The following DOCK8 variants were observed in gnomAD, a reference collection of about 807,000 sequenced individuals.
The protein encoded by DOCK8 is dedicator of cytokinesis protein 8.
Under a neutral mutation model 245.6 loss-of-function variants are expected in DOCK8, and 141 were observed. That is an observed-to-expected ratio of 0.57 (90% CI 0.50 to 0.66). DOCK8 has a LOEUF of 0.66. Among genes scored for constraint, DOCK8 ranks in the 30% least tolerant of loss-of-function variants. DOCK8 has a pLI of 0.00. For missense variants in DOCK8, 2,965 were observed against 2,603.4 expected (o/e 1.14, Z -3.02); for synonymous variants, 1,168 against 970.2 (o/e 1.20, Z -3.79).
At chr9:376,612 C>A (rs146203421) in intron 19 of DOCK8, among the ~76,000 whole-genome samples, 1 of 152,186 alleles carries the variant, frequency 6.6e-6, no homozygotes, top group Non-Finnish European at 1.5e-5. Context: ...AACTCTGCCA[C>A]TTTGCCAGCT....
At chr9:288,045 G>C (rs2048894132) in intron 3 of DOCK8, among the ~76,000 whole-genome samples, 1 of 150,298 alleles carries the variant, frequency 6.7e-6, no homozygotes, top group African/African-American at 2.5e-5. Context: ...AATGAATTTA[G>C]AGGAAGGAGG....
At chr9:317,261 G>A in intron 7 of DOCK8, 133 bp downstream of exon 7, 1 of 758,932 alleles carries the variant, frequency 1.3e-6, no homozygotes, top group Non-Finnish European at 2.3e-6. Flanking sequence ...CAGCTGTGGA[G>A]TAGTAGAAAG....
At chr9:287,790 T>C (rs1426249671) in intron 3 of DOCK8, among the ~76,000 whole-genome samples, 2 of 152,218 alleles carry the variant, frequency 1.3e-5, no homozygotes, top group African/African-American at 4.8e-5. Context: ...TACTATTTCA[T>C]CTTTAGTGAA....
chr9:214,388 G>C (rs2046682167), upstream of DOCK8: 5 of 832,996 alleles, frequency 6.0e-6, no homozygotes, highest in African/African-American at 1.8e-5. Flanking sequence ...GTCTCAGGAA[G>C]GATGATGGGC....
chr9:461,673 C>G (rs1206285494), intron 46 of DOCK8, among the ~76,000 whole-genome samples: 1 of 151,324 alleles, frequency 6.6e-6, no homozygotes, highest in African/African-American at 2.4e-5. Context: ...TCCCAAATAG[C>G]TGGGACTGCA....
intron 23 of DOCK8, among the ~76,000 whole-genome samples, chr9:390,120 G>GAA (rs1477535320): frequency 6.6e-6 from 1 of 152,170 alleles, no homozygotes. Context: ...TGGTCACACA[G>GAA]AGAGTTTTCA....
At chr9:363,239 C>G (rs1322087580) in intron 14 of DOCK8, among the ~76,000 whole-genome samples, 1 of 152,188 alleles carries the variant, frequency 6.6e-6, no homozygotes, top group Non-Finnish European at 1.5e-5. Context: ...TACTAAATGC[C>G]TGGCACATAC....
intron 22 of DOCK8, 74 bp from the exon 23 acceptor site, chr9:386,257 G>A: frequency 7.9e-7 from 1 of 1,260,782 alleles, no homozygotes; most frequent in South Asian, 1.2e-5. Flanking sequence ...TGAATTCTGA[G>A]GTTGTGATTT....
At chr9:396,708 A>G in intron 24 of DOCK8, 77 bp from the exon 25 acceptor site, 1 of 1,579,784 alleles carries the variant, frequency 6.3e-7, no homozygotes, top group Admixed American at 1.7e-5. Context: ...CATTTCTGTG[A>G]GTCTTTCCCC....
chr9:423,287 A>G (rs191030187), intron 33 of DOCK8, among the ~76,000 whole-genome samples: 2 of 152,352 alleles, frequency 1.3e-5, no homozygotes, highest in Admixed American at 6.5e-5. Context: ...ATATGCAACA[A>G]TTTAGACATA....
chr9:314,862 AC>A (rs1212700961), intron 6 of DOCK8, among the ~76,000 whole-genome samples: 19 of 152,216 alleles, frequency 1.2e-4, no homozygotes, highest in Non-Finnish European at 2.4e-4. Context: ...AGAGAGGTAA[AC>A]TAGTATATCC....
chr9:386,067 T>TCAG (rs2131322595), intron 22 of DOCK8, among the ~76,000 whole-genome samples: 1 of 152,306 alleles, frequency 6.6e-6, no homozygotes, highest in African/African-American at 2.4e-5. Flanking sequence ...AAGGGACTAC[T>TCAG]CAGCAGCCCA....
At chr9:374,458 T>G (rs2053434510) in intron 18 of DOCK8, among the ~76,000 whole-genome samples, 1 of 139,932 alleles carries the variant, frequency 7.1e-6, no homozygotes, top group Admixed American at 7.1e-5. Flanking sequence ...TTTGTGTTTT[T>G]TTTTTTTTTT....
At chr9:258,988 C>T (rs971609336) in intron 1 of DOCK8, among the ~76,000 whole-genome samples, 1 of 133,464 alleles carries the variant, frequency 7.5e-6, no homozygotes, top group African/African-American at 2.7e-5. Context: ...AACCACAGCA[C>T]AAACATTTTA....
rs544740580 is a variant in DOCK8 at position 463,702 on chromosome 9, G to C, written c.6239+15G>C. The C allele has an allele frequency of 8.2e-5, 132 of 1,613,744 alleles. 1 individual carries two copies. Among genetic ancestry groups the C allele is most frequent in the African/African-American group, 6.5e-4 (49 of 75,060 alleles). On this transcript the variant is annotated intron_variant, in intron 47 of 47. Coordinates refer to ENST00000432829, the MANE Select transcript of DOCK8 (RefSeq NM_203447.4). Reference sequence around the variant, plus strand: ...AGTCAAAAGAGGTAAGAACAGGGCAGAGGAGGCCTCTTCCTGTGGGATAAA... The same window carrying C: ...AGTCAAAAGAGGTAAGAACAGGGCACAGGAGGCCTCTTCCTGTGGGATAAA...
At position 428,482 on chromosome 9, in the gene DOCK8, G is replaced by T. The variant is rs1295437523; in HGVS notation, c.4459G>T (p.Ala1487Ser). 6.2e-7 allele frequency: 1 copy of T among 1,614,172 alleles called. No homozygotes were observed. Among genetic ancestry groups the T allele is most frequent in the South Asian group, 1.1e-5 (1 of 91,076 alleles). Residue 1487 changes from alanine to serine, a missense_variant, in exon 35 of 48, where the codon GCT becomes TCT. Ala to Ser is a moderately conservative substitution (Grantham distance 99). Coordinates refer to ENST00000432829, the MANE Select transcript of DOCK8 (RefSeq NM_203447.4). ...YLTHCFATLR[A>S]LIAKFGDLLF... ...GACTCACTGCTTTGCAACACTCCGT[G>T]CTCTCATCGCCAAGGTAAACTTGGG...
chr9:428,606 A>T (rs2131705050), intron 35 of DOCK8, 110 bp downstream of exon 35: 1 of 1,374,862 alleles, frequency 7.3e-7, no homozygotes, highest in African/African-American at 1.4e-5. Flanking sequence ...ATTAAGTGGC[A>T]TCACAGTAAA....
intron 43 of DOCK8, among the ~76,000 whole-genome samples, chr9:445,732 G>A (rs1279753330): frequency 3.9e-5 from 3 of 76,376 alleles, no homozygotes; most frequent in Admixed American, 1.8e-4. Context: ...CATTTGGGTT[G>A]TTTCTAGTCT....
chr9:445,710 C>A (rs1028070759), intron 43 of DOCK8, among the ~76,000 whole-genome samples: 8 of 149,362 alleles, frequency 5.4e-5, no homozygotes, highest in Non-Finnish European at 8.9e-5. Context: ...TGTTAATTCC[C>A]CACTGGAGTG....
Sources: gnomAD v4.1 joint callset for allele counts (sites outside exome capture counted in the v4.1 genomes callset) on GRCh38, gnomAD v4.1.1 for gene constraint, MANE v1.5 for transcripts, NCBI Gene and HGNC (gene_info 2026-07-23, HGNC 2026-07-21) for gene names.